The following ACTB variants were observed in gnomAD, a reference collection of about 807,000 sequenced individuals.
The protein encoded by ACTB is actin beta.
ACTB carries 2 observed loss-of-function variants against 30.5 expected under a neutral mutation model. The observed-to-expected ratio is 0.07, with a 90% CI of 0.03 to 0.21. The LOEUF (loss-of-function observed/expected upper bound fraction) is 0.21, where lower values mean the gene tolerates loss of function less well. Among genes scored for constraint, ACTB ranks in the 10% least tolerant of loss-of-function variants. ACTB has a pLI of 1.00. For synonymous variants in ACTB, 335 were observed against 217.6 expected (o/e 1.54, Z -4.75); for missense variants, 56 against 530.0 (o/e 0.11, Z 8.78).
At chr7:5,527,915 G>C in intron 5 of ACTB, 24 bp from the exon 6 acceptor site, 4 of 1,613,140 alleles carry the variant, frequency 2.5e-6, no homozygotes, top group Non-Finnish European at 3.4e-6. Context: ...GGGACAGGCA[G>C]TGAGGACCCT....
chr7:5,528,914 C>A, intron 3 of ACTB, 195 bp from the exon 4 acceptor site: 1 of 1,463,334 alleles, frequency 6.8e-7, no homozygotes, highest in South Asian at 1.2e-5. Flanking sequence ...ATGGCCTTGT[C>A]ACACGAGCCA....
intron 4 of ACTB, 42 bp from the exon 5 acceptor site, chr7:5,528,227 GC>G (rs1425635427): frequency 1.9e-6 from 3 of 1,613,740 alleles, no homozygotes; most frequent in Admixed American, 1.7e-5. Flanking sequence ...CCACAGCACA[GC>G]CCCGAGGGGT....
Position 5,527,278 on chromosome 7 carries a change from G to A in ACTB, c.*470C>T, listed in dbSNP as rs1162109016. ...CTCAAGTTGGGGGACAAAAAAGGGG[G>A]AAGGGGGGGCACGAAGGCTCATCAT... is the stretch of plus-strand genomic sequence containing the variant. On this transcript the variant is annotated 3_prime_UTR_variant, in exon 6 of 6. Coordinates refer to ENST00000646664, the MANE Select transcript of ACTB (RefSeq NM_001101.5). 1.2e-5 allele frequency: 3 copies of A among 244,200 alleles called. No homozygotes were observed. Among genetic ancestry groups the A allele is most frequent in the East Asian group, 1.2e-4 (1 of 8,228 alleles). The allele number at this position is 244,200 out of a possible 1,614,324, so 15.1% of individuals were successfully genotyped here. A position where few individuals can be genotyped will look rare whatever the true frequency, so the allele number is the denominator to read the frequency against.
Position 5,528,166 on chromosome 7 carries a change from G to T in ACTB, c.822C>A (p.Ile274=), listed in dbSNP as rs377390140. 4.0e-5 allele frequency: 64 copies of T among 1,614,216 alleles called. No individual in the cohort carries two copies. In the African/African-American group the frequency reaches 7.9e-4, roughly 20 times the overall value. Residue 274 remains isoleucine, a synonymous_variant, in exon 5 of 6, where the codon ATC becomes ATA. Coordinates refer to ENST00000646664, the MANE Select transcript of ACTB (RefSeq NM_001101.5). ...TGATGGAGTTGAAGGTAGTTTCGTG[G>T]ATGCCACAGGACTCCATGCCTGAGA... is the stretch of plus-strand genomic sequence containing the variant. The part of the protein sequence containing the change: ...PSFLGMESCG[I]HETTFNSIMK...
chr7:5,528,925 G>A (rs1378989644), intron 3 of ACTB: 2 of 1,491,430 alleles, frequency 1.3e-6, no homozygotes, highest in East Asian at 2.4e-5. Flanking sequence ...ACACGAGCCA[G>A]TGTTAGTACC....
At position 5,527,747 on chromosome 7, in the gene ACTB, C is replaced by A; in HGVS notation, c.*1G>T. ...TGTAACGCAACTAAGTCATAGTCCG[C>A]CTAGAAGCATTTGCGGTGGACGATG... is the stretch of plus-strand genomic sequence containing the variant. On this transcript the variant is annotated 3_prime_UTR_variant, in exon 6 of 6. Coordinates refer to ENST00000646664, the MANE Select transcript of ACTB (RefSeq NM_001101.5). 1.2e-6 allele frequency: 2 copies of A among 1,613,654 alleles called. No individual in the cohort carries two copies.
In ACTB at chr7:5,529,680, G is replaced by C; in HGVS notation, c.-6-17C>G. The C allele has an allele frequency of 6.2e-7, 1 of 1,611,026 alleles. No individual in the cohort carries two copies. Among genetic ancestry groups the C allele is most frequent in the South Asian group, 1.1e-5 (1 of 91,032 alleles). On this transcript the variant is annotated splice_polypyrimidine_tract_variant and intron_variant, in intron 1 of 5. Coordinates refer to ENST00000646664, the MANE Select transcript of ACTB (RefSeq NM_001101.5). Reference sequence around the variant, plus strand: ...CATGGTGAGCTGCGAGAATAGCCGGGCGCGCTGTGAGCCGAGGTCGCCCCC... The same window carrying C: ...CATGGTGAGCTGCGAGAATAGCCGGCCGCGCTGTGAGCCGAGGTCGCCCCC...
At position 5,528,660 on chromosome 7, in the gene ACTB, G is replaced by A. The variant is rs1274386691; in HGVS notation, c.423C>T (p.Ser141=). The A allele has an allele frequency of 3.7e-6, 6 of 1,614,028 alleles. No homozygotes were observed. The highest frequency in any genetic ancestry group is 1.7e-5 in the Admixed American group (1 of 60,032). The change falls in exon 4 of 6, where the codon TCC becomes TCT. Residue 141 remains serine (S), a synonymous_variant. Transcript: ENST00000646664. ...CAGTGGTACGGCCAGAGGCGTACAGGGATAGCACAGCCTGGATAGCAACGT... is the reference window on the plus strand; with the variant it reads ...CAGTGGTACGGCCAGAGGCGTACAGAGATAGCACAGCCTGGATAGCAACGT... ...AMYVAIQAVL[S]LYASGRTTGI...
At chr7:5,529,822 T>G in intron 1 of ACTB, 159 bp from the exon 2 acceptor site, 1 of 1,207,588 alleles carries the variant, frequency 8.3e-7, no homozygotes. Flanking sequence ...AGGCAAACAC[T>G]GGTCGGAGGC....
In ACTB at chr7:5,529,637, C is replaced by G; in HGVS notation, c.21G>C (p.Ala7=). The G allele has an allele frequency of 6.2e-7, 1 of 1,611,366 alleles. No homozygotes were observed. Among genetic ancestry groups the G allele is most frequent in the African/African-American group, 1.3e-5 (1 of 74,996 alleles). Residue 7 remains alanine (A), a synonymous_variant, in exon 2 of 6, where the codon GCG becomes GCC. Coordinates refer to ENST00000646664, the MANE Select transcript of ACTB (RefSeq NM_001101.5). ...TGCCGGAGCCGTTGTCGACGACGAGCGCGGCGATATCATCATCCATGGTGA... is the reference window on the plus strand; with the variant it reads ...TGCCGGAGCCGTTGTCGACGACGAGGGCGGCGATATCATCATCCATGGTGA... MDDDIA[A]LVVDNGSGMC...
chr7:5,527,643 A>G lies in ACTB; in HGVS notation c.*105T>C. 3.2e-6 allele frequency: 5 copies of G among 1,561,634 alleles called. No individual in the cohort carries two copies. The highest frequency in any genetic ancestry group is 4.4e-6 in the Non-Finnish European group (5 of 1,148,476). On this transcript the variant is annotated 3_prime_UTR_variant, in exon 6 of 6. Coordinates refer to ENST00000646664, the MANE Select transcript of ACTB (RefSeq NM_001101.5). ...CAAGCCAAAAAAAAAAAAAAAACCA[A>G]AACAAAACAAAAAAAACAAATAAAG...
chr7:5,529,890 C>A, intron 1 of ACTB: 1 of 681,260 alleles, frequency 1.5e-6, no homozygotes, highest in Non-Finnish European at 2.5e-6. Context: ...CGGGCGCCAG[C>A]CCCGCCTCCG....
Position 5,528,028 on chromosome 7 carries a change from C to T in ACTB, c.960G>A (p.Leu320=). 2 of 1,614,168 alleles carry T rather than the reference C, an allele frequency of 1.2e-6. No individual in the cohort carries two copies. Among genetic ancestry groups the T allele is most frequent in the Non-Finnish European group, 8.5e-7 (1 of 1,180,032 alleles). ...CCTTGATCTTCATTGTGCTGGGTGC[C>T]AGGGCAGTGATCTCCTTCTGCATCC... ...ADRMQKEITA[L]APSTMKIKII... Residue 320 remains leucine, a synonymous_variant, in exon 5 of 6, where the codon CTG becomes CTA. Coordinates refer to ENST00000646664, the MANE Select transcript of ACTB (RefSeq NM_001101.5).
rs1252004690 is a variant in ACTB at position 5,528,684 on chromosome 7, G to A, written c.399C>T (p.Tyr133=). The change falls in exon 4 of 6, where the codon TAC becomes TAT. Residue 133 remains tyrosine (Y), a synonymous_variant. Transcript: ENST00000646664. ...MFETFNTPAM[Y]VAIQAVLSLY... is the part of the protein sequence containing the mutation. ...GGGATAGCACAGCCTGGATAGCAACGTACATGGCTGGGGTGTTGAAGGTCT... is the reference window on the plus strand; with the variant it reads ...GGGATAGCACAGCCTGGATAGCAACATACATGGCTGGGGTGTTGAAGGTCT... The A allele has an allele frequency of 1.4e-5, 23 of 1,613,794 alleles. No homozygotes were observed. Among genetic ancestry groups the A allele is most frequent in the Admixed American group, 5.0e-5 (3 of 60,006 alleles).
At chr7:5,529,844 G>C (rs1362673414) in intron 1 of ACTB, 181 bp from the exon 2 acceptor site, 9 of 1,061,354 alleles carry the variant, frequency 8.5e-6, no homozygotes, top group East Asian at 2.7e-5. Context: ...TCCCCGCGGC[G>C]CGCGGCAGGA....
chr7:5,529,653 T>C lies in ACTB; in HGVS notation c.5A>G (p.Asp2Gly). The change falls in exon 2 of 6, where the codon GAT becomes GGT. Residue 2 changes from aspartate to glycine, a missense_variant. By Grantham distance (94) the Asp-to-Gly change is moderately conservative. This residue lies in a region of ACTB where 10 missense variants were observed against 80.2 expected (regional missense o/e 0.12). Transcript: ENST00000646664. M[D>G]DDIAALVVDN... ...GACGACGAGCGCGGCGATATCATCA[T>C]CCATGGTGAGCTGCGAGAATAGCCG... The C allele has an allele frequency of 6.2e-7, 1 of 1,611,374 alleles. No homozygotes were observed. The highest frequency in any genetic ancestry group is 8.5e-7 in the Non-Finnish European group (1 of 1,179,670).
Position 5,528,222 on chromosome 7 carries a change from G to A in ACTB, c.803-37C>T, listed in dbSNP as rs752537146. On this transcript the variant is annotated intron_variant, in intron 4 of 5. Coordinates refer to ENST00000646664, the MANE Select transcript of ACTB (RefSeq NM_001101.5). ...ATGAGGGCAGGACTTAGCTTCCACA[G>A]CACAGCCCCGAGGGGTAACCCTCAT... 41 of 1,613,748 alleles carry A rather than the reference G, an allele frequency of 2.5e-5. No homozygotes were observed. In the Admixed American group the frequency reaches 6.3e-4, roughly 25 times the overall value.
In ACTB at chr7:5,527,685, T is replaced by A; in HGVS notation, c.*63A>T. The A allele has an allele frequency of 6.2e-7, 1 of 1,608,314 alleles. No homozygotes were observed. The highest frequency in any genetic ancestry group is 8.5e-7 in the Non-Finnish European group (1 of 1,176,572). On this transcript the variant is annotated 3_prime_UTR_variant, in exon 6 of 6. Transcript: ENST00000646664. ...CAAATAAAGCCATGCCAATCTCATC[T>A]TGTTTTCTGCGCAAGTTAGGTTTTG...
rs1235427989 is a variant in ACTB at position 5,528,387 on chromosome 7, G to A, written c.696C>T (p.Ser232=). 1.2e-6 allele frequency: 2 copies of A among 1,614,124 alleles called. No individual in the cohort carries two copies. The highest frequency in any genetic ancestry group is 1.7e-5 in the Admixed American group (1 of 60,030). Residue 232 remains serine (S), a synonymous_variant, in exon 4 of 6, where the codon TCC becomes TCT. Coordinates refer to ENST00000646664, the MANE Select transcript of ACTB (RefSeq NM_001101.5). Reference sequence around the variant, plus strand: ...CGTAGCTCTTCTCCAGGGAGGAGCTGGAAGCAGCCGTGGCCATCTCTTGCT... The same window carrying A: ...CGTAGCTCTTCTCCAGGGAGGAGCTAGAAGCAGCCGTGGCCATCTCTTGCT... ...DFEQEMATAA[S]SSSLEKSYEL...
Sources: gnomAD v4.1 joint callset for allele counts on GRCh38, gnomAD v4.1.1 for gene constraint, gnomAD v4.1.1 regional missense constraint, MANE v1.5 for transcripts, NCBI Gene and HGNC (gene_info 2026-07-23, HGNC 2026-07-21) for gene names.